The following LRCH2 variants were observed in gnomAD, a reference collection of about 807,000 sequenced individuals.
The protein encoded by LRCH2 is leucine-rich repeat and calponin homology domain-containing protein 2.
In LRCH2, 38 loss-of-function variants were observed where a neutral mutation model predicts 68.9. That is an observed-to-expected ratio of 0.55 (90% CI 0.43 to 0.72). LRCH2 has a LOEUF of 0.72. Among genes scored for constraint, LRCH2 ranks in the 30% least tolerant of loss-of-function variants. The pLI, the probability that LRCH2 is intolerant of heterozygous loss-of-function variation, is 0.00. For missense variants in LRCH2, 528 were observed against 572.9 expected (o/e 0.92, Z 0.80); for synonymous variants, 191 against 208.1 (o/e 0.92, Z 0.71).
At chrX:115,181,947 T>C (rs2072695001) in intron 3 of LRCH2, among the ~76,000 whole-genome samples, 2 of 111,799 alleles carry the variant, frequency 1.8e-5, no homozygotes, top group African/African-American at 3.3e-5. Flanking sequence ...TTAACTTTTT[T>C]TTCTTGTCAT....
chrX:115,155,974 TG>T (rs1428883576), intron 12 of LRCH2, among the ~76,000 whole-genome samples: 1 of 111,414 alleles, frequency 9.0e-6, no homozygotes, highest in Non-Finnish European at 1.9e-5. Flanking sequence ...AAGTAAGATT[TG>T]TTTCAGAATT....
chrX:115,198,752 T>C, intron 1 of LRCH2: 1 of 123,403 alleles, frequency 8.1e-6, no homozygotes, highest in Non-Finnish European at 1.8e-5. Flanking sequence ...AAGACTGAGC[T>C]CCCTGTCCTG....
chrX:115,204,442 G>T (rs980300074), intron 1 of LRCH2, among the ~76,000 whole-genome samples: 22 of 112,906 alleles, frequency 1.9e-4, no homozygotes, highest in African/African-American at 7.1e-4. Context: ...CACCATATAG[G>T]CTGCAGATTT....
At chrX:115,119,077 A>C (rs1259807360) in intron 20 of LRCH2, among the ~76,000 whole-genome samples, 18 of 111,463 alleles carry the variant, frequency 1.6e-4, no homozygotes, top group Non-Finnish European at 3.0e-4. Context: ...GAATGGGCAA[A>C]AACTGGAAGC....
chrX:115,210,379 G>A (rs782694402), intron 1 of LRCH2, among the ~76,000 whole-genome samples: 3 of 112,274 alleles, frequency 2.7e-5, no homozygotes, highest in Non-Finnish European at 5.6e-5. Context: ...TGGCTTCAGA[G>A]GGTGCAAGCC....
chrX:115,179,590 T>C (rs782319397), intron 4 of LRCH2, 27 bp from the exon 5 acceptor site: 3 of 1,098,546 alleles, frequency 2.7e-6, no homozygotes, highest in South Asian at 2.4e-5. Flanking sequence ...AATAATTAAT[T>C]AAATTTTACA....
At chrX:115,140,379 G>A (rs1314964372) in intron 14 of LRCH2, among the ~76,000 whole-genome samples, 1 of 110,313 alleles carries the variant, frequency 9.1e-6, no homozygotes, top group African/African-American at 3.3e-5. Flanking sequence ...AGTATGCTGT[G>A]GACCTTGGGA....
intron 14 of LRCH2, among the ~76,000 whole-genome samples, chrX:115,138,021 G>A (rs1419830023): frequency 9.0e-6 from 1 of 111,361 alleles, no homozygotes; most frequent in African/African-American, 3.3e-5. Context: ...AGGGCAGTCA[G>A]GGATAATGGT....
chrX:115,232,032 A>G (rs1038034731), intron 1 of LRCH2, among the ~76,000 whole-genome samples: 1 of 111,374 alleles, frequency 9.0e-6, no homozygotes, highest in African/African-American at 3.3e-5. Flanking sequence ...AAGCATACAG[A>G]TGATCTTGTA....
chrX:115,190,340 A>T (rs1305065376), intron 1 of LRCH2: 1 of 1,158,424 alleles, frequency 8.6e-7, no homozygotes, highest in Non-Finnish European at 1.2e-6. Flanking sequence ...AAAGGCTCCT[A>T]CCGAGAGCCC....
intron 1 of LRCH2, among the ~76,000 whole-genome samples, chrX:115,215,769 C>CAA (rs57563158): frequency 1.1e-4 from 5 of 45,190 alleles, no homozygotes; most frequent in African/African-American, 4.3e-4. Flanking sequence ...GACTCCATCT[C>CAA]AAAAAAAAAA....
At chrX:115,146,902 TACATACACACACACACAC>T (rs1244213070) in intron 14 of LRCH2, among the ~76,000 whole-genome samples, 49 of 53,909 alleles carry the variant, frequency 9.1e-4, no homozygotes, top group African/African-American at 3.6e-3. Flanking sequence ...ATTTCTTACA[TACATACACACACACACAC>T]ACACACACAC....
At chrX:115,147,303 C>T (rs2072393570) in intron 14 of LRCH2, among the ~76,000 whole-genome samples, 1 of 111,295 alleles carries the variant, frequency 9.0e-6, no homozygotes, top group Non-Finnish European at 1.9e-5. Flanking sequence ...AGTGACAATT[C>T]TGAATAATAG....
At chrX:115,227,844 A>G (rs984676018) in intron 1 of LRCH2, among the ~76,000 whole-genome samples, 2 of 110,683 alleles carry the variant, frequency 1.8e-5, no homozygotes, top group African/African-American at 6.6e-5. Flanking sequence ...TGAATCTCTA[A>G]TATTCTACTG....
chrX:115,158,990 CT>C (rs1461324991), intron 11 of LRCH2, among the ~76,000 whole-genome samples: 1 of 111,468 alleles, frequency 9.0e-6, no homozygotes. Flanking sequence ...TACATATCAA[CT>C]TTTTTGTTTT....
intron 5 of LRCH2, among the ~76,000 whole-genome samples, chrX:115,172,476 C>T (rs781847032): frequency 8.9e-6 from 1 of 112,119 alleles, no homozygotes; most frequent in Admixed American, 9.5e-5. Context: ...CTATATAAAT[C>T]TCTGCTATTA....
intron 1 of LRCH2, among the ~76,000 whole-genome samples, chrX:115,206,998 GAA>G (rs1483493884): frequency 9.0e-6 from 1 of 110,844 alleles, no homozygotes; most frequent in Non-Finnish European, 1.9e-5. Context: ...TCAAAAAAGT[GAA>G]GATTAACTTT....
chrX:115,220,926 G>A (rs782450463), intron 1 of LRCH2, among the ~76,000 whole-genome samples: 62 of 108,960 alleles, frequency 5.7e-4, no homozygotes, highest in African/African-American at 1.9e-3. Flanking sequence ...AGTGGCTCAC[G>A]CCTGTAATCC....
At chrX:115,176,250 T>C (rs2072646136) in intron 5 of LRCH2, among the ~76,000 whole-genome samples, 1 of 112,326 alleles carries the variant, frequency 8.9e-6, no homozygotes, top group Non-Finnish European at 1.9e-5. Flanking sequence ...ACTATACTGT[T>C]TTCCATAATG....
Sources: allele counts gnomAD v4.1 joint callset (sites outside exome capture counted in the v4.1 genomes callset), GRCh38; gene constraint gnomAD v4.1.1; transcripts MANE v1.5; gene names NCBI Gene and HGNC (gene_info 2026-07-23, HGNC 2026-07-21).